Variants in SLC49A4 observed in about 807,000 individuals in gnomAD.
The protein encoded by SLC49A4 is solute carrier family 49 member 4.
SLC49A4 carries 36 observed loss-of-function variants against 50.6 expected under a neutral mutation model. The ratio of observed to expected loss-of-function variants is 0.71; its 90% CI spans 0.55 to 0.94. The LOEUF (loss-of-function observed/expected upper bound fraction) is 0.94. Among genes scored for constraint, SLC49A4 ranks in the 40% least tolerant of loss-of-function variants. The probability of loss-of-function intolerance (pLI) is 0.00; values close to 1 mark genes in which losing one functional copy is unlikely to be tolerated. For missense variants in SLC49A4, 503 were observed against 605.7 expected (o/e 0.83, Z 1.78); for synonymous variants, 248 against 241.2 (o/e 1.03, Z -0.26).
intron 2 of SLC49A4, among the ~76,000 whole-genome samples, chr3:122,810,124 C>G (rs1460559646): frequency 6.6e-6 from 1 of 152,164 alleles, no homozygotes; most frequent in Non-Finnish European, 1.5e-5. Context: ...TTTGACCCAG[C>G]CTTTTGGAAT....
At chr3:122,807,297 CT>C (rs1188972289) in intron 2 of SLC49A4, among the ~76,000 whole-genome samples, 1 of 151,866 alleles carries the variant, frequency 6.6e-6, no homozygotes, top group East Asian at 1.9e-4. Context: ...GAAGTTTTGG[CT>C]GTGGGTATCA....
At position 122,840,605 on chromosome 3, in the gene SLC49A4, CTT is replaced by C. The variant is rs1936757654; in HGVS notation, c.834-5157_834-5156del. The stretch of plus-strand genomic sequence containing the variant: ...TTTTAACATGTAATCAATATTAAAA[CTT>C]ATTAATGAGATATGTTATTCATAAC... On this transcript the variant is annotated intron_variant, in intron 4 of 8. Coordinates refer to ENST00000261038, the MANE Select transcript of SLC49A4 (RefSeq NM_032839.3). Among the ~76,000 whole-genome samples, 5 of 151,970 alleles carry C rather than the reference CTT, an allele frequency of 3.3e-5. No homozygotes were observed. The South Asian group carries it at 1.0e-3, about 31-fold the overall frequency.
rs1029493774 is a variant in SLC49A4, at chr3:122,856,493, A to G, written c.1010+119A>G. On this transcript the variant is annotated intron_variant, in intron 6 of 8. Coordinates refer to ENST00000261038, the MANE Select transcript of SLC49A4 (RefSeq NM_032839.3). ...GAAAAGTAAAACAAGCAAAGGTCAGAAAGGGGTACTTGTTCAGAGTACAAG... is the reference window on the plus strand; with the variant it reads ...GAAAAGTAAAACAAGCAAAGGTCAGGAAGGGGTACTTGTTCAGAGTACAAG... 2.4e-5 allele frequency: 22 copies of G among 906,836 alleles called. No homozygotes were observed. In the African/African-American group the frequency reaches 3.5e-4, roughly 14 times the overall value. 56.2% of individuals were successfully genotyped at this position (906,836 alleles called of 1,614,324 possible).
At chr3:122,857,303 AAAG>A (rs1205146212) in intron 6 of SLC49A4, among the ~76,000 whole-genome samples, 2 of 151,356 alleles carry the variant, frequency 1.3e-5, no homozygotes, top group African/African-American at 4.8e-5. Flanking sequence ...AAAAAAAAAA[AAAG>A]GAAAAGAATT....
chr3:122,837,546 A>G (rs1936705556), intron 4 of SLC49A4, among the ~76,000 whole-genome samples: 1 of 152,184 alleles, frequency 6.6e-6, no homozygotes, highest in African/African-American at 2.4e-5. Context: ...CTTACACCTT[A>G]TACAAAAATT....
rs1047199605 is a variant in SLC49A4, at chr3:122,795,100, T to A, written c.-93T>A. 1.9e-5 allele frequency: 23 copies of A among 1,217,106 alleles called. No homozygotes were observed. The highest frequency in any genetic ancestry group is 1.7e-4 in the African/African-American group (11 of 63,638). The allele number at this position is 1,217,106 out of a possible 1,614,324, so 75.4% of individuals were successfully genotyped here. ...GAGGCCGAGGGCGACCACAGCAGCCTCCGCCTCCTGCTGCTCAGGACTATT... is the reference window on the plus strand; with the variant it reads ...GAGGCCGAGGGCGACCACAGCAGCCACCGCCTCCTGCTGCTCAGGACTATT... On this transcript the variant is annotated 5_prime_UTR_variant, in exon 1 of 9. Coordinates refer to ENST00000261038, the MANE Select transcript of SLC49A4 (RefSeq NM_032839.3).
rs1222852412 is a variant in SLC49A4 at position 122,801,720 on chromosome 3, C to T, written c.344-5137C>T. ...TACCTCAGACCATGGAACAAGAGGT[C>T]AGAGATCTGAGAGACCAGCATACTG... On this transcript the variant is annotated intron_variant, in intron 1 of 8. Transcript: ENST00000261038. Among the ~76,000 whole-genome samples, 3 of 152,108 alleles carry T rather than the reference C, an allele frequency of 2.0e-5. No homozygotes were observed. The South Asian group carries it at 6.2e-4, about 32-fold the overall frequency.
intron 1 of SLC49A4, among the ~76,000 whole-genome samples, chr3:122,799,976 C>G (rs995428071): frequency 2.0e-5 from 3 of 152,046 alleles, no homozygotes; most frequent in Admixed American, 2.0e-4. Flanking sequence ...TTTGAAATGC[C>G]TATTAGATAC....
chr3:122,838,224 T>C lies in SLC49A4; in HGVS notation c.833+4778T>C, dbSNP rs559345598. Among the ~76,000 whole-genome samples, 10 of 152,222 alleles carry C rather than the reference T, an allele frequency of 6.6e-5. No individual in the cohort carries two copies. The East Asian group carries it at 1.5e-3, about 23-fold the overall frequency. The stretch of plus-strand genomic sequence containing the variant: ...CATTACTGGGTATATACCCAAAGGA[T>C]TATAAATCATGCTGCTATAAAGACA... On this transcript the variant is annotated intron_variant, in intron 4 of 8. Coordinates refer to ENST00000261038, the MANE Select transcript of SLC49A4 (RefSeq NM_032839.3).
intron 5 of SLC49A4, among the ~76,000 whole-genome samples, chr3:122,848,045 C>A (rs997631240): frequency 3.3e-5 from 5 of 152,208 alleles, no homozygotes; most frequent in Non-Finnish European, 7.3e-5. Flanking sequence ...AGACTAGCAG[C>A]TACCATGTTG....
At chr3:122,835,151 A>G (rs1936661674) in intron 4 of SLC49A4, among the ~76,000 whole-genome samples, 1 of 152,122 alleles carries the variant, frequency 6.6e-6, no homozygotes, top group African/African-American at 2.4e-5. Context: ...ATTTATACCA[A>G]TCCTACTGAA....
chr3:122,866,062 C>G (rs1937114915), intron 7 of SLC49A4, among the ~76,000 whole-genome samples: 1 of 152,128 alleles, frequency 6.6e-6, no homozygotes, highest in African/African-American at 2.4e-5. Flanking sequence ...GAAACAGTCT[C>G]ACTCTGTTGT....
At chr3:122,863,172 C>T (rs1163108651) in intron 7 of SLC49A4, among the ~76,000 whole-genome samples, 5 of 152,174 alleles carry the variant, frequency 3.3e-5, no homozygotes, top group African/African-American at 1.2e-4. Context: ...ACCTTACAAG[C>T]ACACTGGGTT....
At chr3:122,868,855 T>A (rs756150836) in intron 7 of SLC49A4, among the ~76,000 whole-genome samples, 94 of 152,342 alleles carry the variant, frequency 6.2e-4, no homozygotes, top group Middle Eastern at 6.8e-3. Flanking sequence ...AATCTCTAAT[T>A]TTTGATTACT....
At chr3:122,860,042 C>T in intron 6 of SLC49A4, 33 bp from the exon 7 acceptor site, 1 of 1,558,342 alleles carries the variant, frequency 6.4e-7, no homozygotes, top group Non-Finnish European at 8.7e-7. Flanking sequence ...TTTTTAAATC[C>T]CACTAGAATT....
At chr3:122,807,703 A>AT (rs1484237519) in intron 2 of SLC49A4, among the ~76,000 whole-genome samples, 2 of 152,076 alleles carry the variant, frequency 1.3e-5, no homozygotes, top group African/African-American at 4.8e-5. Context: ...TCGTTGAGAA[A>AT]TTTTTTCCCT....
At chr3:122,798,257 T>A (rs1936076199) in intron 1 of SLC49A4, among the ~76,000 whole-genome samples, 1 of 152,170 alleles carries the variant, frequency 6.6e-6, no homozygotes. Flanking sequence ...CAGGAGCATT[T>A]TTCAATATTA....
chr3:122,842,609 G>A (rs967552675), intron 4 of SLC49A4, among the ~76,000 whole-genome samples: 1 of 150,968 alleles, frequency 6.6e-6, no homozygotes, highest in Non-Finnish European at 1.5e-5. Flanking sequence ...GTAGGAAATC[G>A]TGAGTCACTG....
chr3:122,849,315 T>C (rs1384658284), intron 5 of SLC49A4, among the ~76,000 whole-genome samples: 1 of 152,230 alleles, frequency 6.6e-6, no homozygotes, highest in Non-Finnish European at 1.5e-5. Context: ...TTTTATATAC[T>C]GATTTCCTTT....
Sources: allele counts gnomAD v4.1 joint callset (sites outside exome capture counted in the v4.1 genomes callset), GRCh38; gene constraint gnomAD v4.1.1; transcripts MANE v1.5; gene names NCBI Gene and HGNC (gene_info 2026-07-23, HGNC 2026-07-21).